The following RSRC1 variants were observed in gnomAD, a reference collection of about 807,000 sequenced individuals.
RSRC1 encodes serine/Arginine-related protein 53.
A neutral mutation model predicts 49.1 loss-of-function variants in RSRC1; 39 were observed. The observed-to-expected ratio is 0.79, with a 90% CI of 0.61 to 1.04. The LOEUF is 1.04. Among genes scored for constraint, RSRC1 ranks in the 50% least tolerant of loss-of-function variants. The probability of loss-of-function intolerance (pLI) is 0.00; values close to 1 mark genes in which losing one functional copy is unlikely to be tolerated. For missense variants in RSRC1, 388 were observed against 402.4 expected (o/e 0.96, Z 0.31); for synonymous variants, 143 against 130.8 (o/e 1.09, Z -0.63).
chr3:158,492,271 A>G (rs1739115808), intron 7 of RSRC1, among the ~76,000 whole-genome samples: 1 of 152,222 alleles, frequency 6.6e-6, no homozygotes. Flanking sequence ...TTACAATTCA[A>G]AATGAGATTC....
At chr3:158,417,403 C>A (rs1420409340) in intron 6 of RSRC1, among the ~76,000 whole-genome samples, 2 of 151,894 alleles carry the variant, frequency 1.3e-5, no homozygotes, top group African/African-American at 4.8e-5. Context: ...TTCTTCCTTT[C>A]CTCTCCTGTA....
chr3:158,184,967 T>G (rs1410108360), intron 3 of RSRC1, among the ~76,000 whole-genome samples: 1 of 151,994 alleles, frequency 6.6e-6, no homozygotes, highest in Non-Finnish European at 1.5e-5. Context: ...TATTTATTAA[T>G]GTTGATTACA....
intron 6 of RSRC1, among the ~76,000 whole-genome samples, chr3:158,421,091 A>G (rs911421604): frequency 2.0e-5 from 3 of 151,928 alleles, no homozygotes; most frequent in African/African-American, 7.2e-5. Context: ...CCAAGATGTT[A>G]GACTTTCAGT....
intron 6 of RSRC1, among the ~76,000 whole-genome samples, chr3:158,416,090 CTTTAT>C (rs1734722832): frequency 6.6e-6 from 1 of 151,948 alleles, no homozygotes; most frequent in Non-Finnish European, 1.5e-5. Context: ...GTAATGCTTT[CTTTAT>C]TTTGTCATTT....
intron 6 of RSRC1, among the ~76,000 whole-genome samples, chr3:158,457,310 C>G (rs1436337936): frequency 6.6e-6 from 1 of 152,132 alleles, no homozygotes; most frequent in African/African-American, 2.4e-5. Context: ...GTACAATCAG[C>G]TGGTACTGCA....
intron 5 of RSRC1, among the ~76,000 whole-genome samples, chr3:158,325,473 T>C (rs1729074543): frequency 6.6e-6 from 1 of 152,238 alleles, no homozygotes; most frequent in South Asian, 2.1e-4. Flanking sequence ...CAGAACCATT[T>C]ATTAAATAGG....
intron 6 of RSRC1, among the ~76,000 whole-genome samples, chr3:158,422,017 T>C (rs545464447): frequency 6.6e-6 from 1 of 151,868 alleles, no homozygotes; most frequent in Admixed American, 6.6e-5. Flanking sequence ...CATCAGAAAT[T>C]GATTTTATTT....
chr3:158,320,145 GC>G, intron 5 of RSRC1, among the ~76,000 whole-genome samples: 1 of 152,296 alleles, frequency 6.6e-6, no homozygotes, highest in Non-Finnish European at 1.5e-5. Context: ...TCACTCAGGA[GC>G]CTAAGAGGTA....
At chr3:158,481,430 A>C (rs1214347744) in intron 7 of RSRC1, among the ~76,000 whole-genome samples, 2 of 152,102 alleles carry the variant, frequency 1.3e-5, no homozygotes, top group African/African-American at 2.4e-5. Flanking sequence ...TTGAGTCACA[A>C]ATTGGTTATT....
chr3:158,491,423 G>A (rs905850373), intron 7 of RSRC1, among the ~76,000 whole-genome samples: 13 of 152,156 alleles, frequency 8.5e-5, no homozygotes, highest in African/African-American at 2.9e-4. Context: ...CAGGAGTATT[G>A]GAGAGGCAGG....
intron 4 of RSRC1, among the ~76,000 whole-genome samples, chr3:158,297,501 A>G (rs1346527157): frequency 6.6e-6 from 1 of 151,980 alleles, no homozygotes; most frequent in African/African-American, 2.4e-5. Context: ...CATAAAATTA[A>G]TGACAGGAGA....
intron 7 of RSRC1, among the ~76,000 whole-genome samples, chr3:158,464,827 A>G (rs184394483): frequency 1.8e-4 from 28 of 152,186 alleles, no homozygotes; most frequent in South Asian, 4.1e-4. Context: ...AGGATAGGAA[A>G]CAAAGGCACA....
intron 6 of RSRC1, among the ~76,000 whole-genome samples, chr3:158,422,575 C>G (rs1299555460): frequency 6.6e-6 from 1 of 151,130 alleles, no homozygotes; most frequent in Non-Finnish European, 1.5e-5. Flanking sequence ...ATTTATCGTC[C>G]TTTGGGTATA....
At chr3:158,520,696 G>C (rs1560074691) in intron 7 of RSRC1, among the ~76,000 whole-genome samples, 1 of 152,102 alleles carries the variant, frequency 6.6e-6, no homozygotes, top group Non-Finnish European at 1.5e-5. Flanking sequence ...TTCTTGAAAT[G>C]TTTCAAATTA....
intron 6 of RSRC1, among the ~76,000 whole-genome samples, chr3:158,396,022 A>G (rs1733591028): frequency 6.6e-6 from 1 of 152,128 alleles, no homozygotes; most frequent in South Asian, 2.1e-4. Flanking sequence ...GAATAAGATC[A>G]TGGCCTTTAG....
At chr3:158,295,874 G>A (rs1389502857) in intron 4 of RSRC1, among the ~76,000 whole-genome samples, 4 of 152,014 alleles carry the variant, frequency 2.6e-5, no homozygotes, top group Non-Finnish European at 4.4e-5. Flanking sequence ...TAAGATTGTG[G>A]CAGACACAGT....
chr3:158,166,874 A>G (rs1258283553), intron 3 of RSRC1, among the ~76,000 whole-genome samples: 1 of 152,218 alleles, frequency 6.6e-6, no homozygotes, highest in African/African-American at 2.4e-5. Context: ...CGTGAAACTA[A>G]TACATAGATT....
At chr3:158,388,695 C>G (rs1363115265) in intron 6 of RSRC1, among the ~76,000 whole-genome samples, 1 of 151,560 alleles carries the variant, frequency 6.6e-6, no homozygotes, top group Non-Finnish European at 1.5e-5. Flanking sequence ...CTGCAAACTC[C>G]GCCTCCCGGG....
chr3:158,425,992 C>T (rs1443359258), intron 6 of RSRC1, among the ~76,000 whole-genome samples: 1 of 151,580 alleles, frequency 6.6e-6, no homozygotes, highest in Non-Finnish European at 1.5e-5. Context: ...AACAGCACCA[C>T]ACATGTATGA....
Sources: gnomAD v4.1 joint callset for allele counts (sites outside exome capture counted in the v4.1 genomes callset) on GRCh38, gnomAD v4.1.1 for gene constraint, MANE v1.5 for transcripts, NCBI Gene and HGNC (gene_info 2026-07-23, HGNC 2026-07-21) for gene names.